LOC400499: variants seen among roughly 807,000 people sequenced by gnomAD.
At chr16:11,420,064 T>C in the LOC400499 span, among the ~76,000 whole-genome samples, 1 of 149,292 alleles carries the variant, frequency 6.7e-6, no homozygotes, top group South Asian at 2.1e-4. Flanking sequence ...GAACTAGAAA[T>C]ACCATTTGAC....
the LOC400499 span, chr16:11,476,990 G>A: frequency 2.5e-5 from 10 of 399,514 alleles, no homozygotes; most frequent in Non-Finnish European, 4.4e-5. Context: ...GGGCCCTGGG[G>A]CCACAGATCC....
At chr16:11,388,824 G>A in the LOC400499 span, among the ~76,000 whole-genome samples, 1 of 152,156 alleles carries the variant, frequency 6.6e-6, no homozygotes, top group Non-Finnish European at 1.5e-5. Flanking sequence ...GGCTGGGCTT[G>A]GTGGCTCATG....
the LOC400499 span, chr16:11,494,504 G>T: frequency 2.7e-6 from 1 of 372,682 alleles, no homozygotes; most frequent in Non-Finnish European, 4.8e-6. Context: ...TCTCCACCTG[G>T]AGCTTGCCTG....
At chr16:11,374,044 T>C in the LOC400499 span, among the ~76,000 whole-genome samples, 2 of 152,202 alleles carry the variant, frequency 1.3e-5, no homozygotes, top group Non-Finnish European at 2.9e-5. Context: ...TTTTCAGTCA[T>C]TAGTAAATTA....
the LOC400499 span, among the ~76,000 whole-genome samples, chr16:11,438,101 C>T: frequency 4.6e-5 from 7 of 152,168 alleles, no homozygotes; most frequent in African/African-American, 7.2e-5. Flanking sequence ...CAACGGTGCT[C>T]CATGCCCCCC....
At chr16:11,383,602 G>T in the LOC400499 span, 1 of 1,232,282 alleles carries the variant, frequency 8.1e-7, no homozygotes, top group Non-Finnish European at 1.0e-6. Flanking sequence ...GAAGGCAGAT[G>T]CCAGACGGGG....
chr16:11,440,507 G>C, the LOC400499 span, among the ~76,000 whole-genome samples: 1 of 152,204 alleles, frequency 6.6e-6, no homozygotes, highest in African/African-American at 2.4e-5. Context: ...AACTGCACAT[G>C]AACACTGGCC....
the LOC400499 span, chr16:11,487,230 C>T: frequency 2.5e-6 from 1 of 398,774 alleles, no homozygotes. Flanking sequence ...AGGAGAGGCC[C>T]TGCAGAGGCT....
chr16:11,459,209 T>TG, the LOC400499 span, among the ~76,000 whole-genome samples: 1 of 141,918 alleles, frequency 7.0e-6, no homozygotes, highest in Non-Finnish European at 1.5e-5. Context: ...TTTTTTTTTT[T>TG]TTTTTGAAAA....
chr16:11,495,832 C>G, the LOC400499 span, among the ~76,000 whole-genome samples: 3 of 152,066 alleles, frequency 2.0e-5, no homozygotes, highest in Admixed American at 1.3e-4. Flanking sequence ...AGGGACGTGC[C>G]TCAGGTAGCC....
chr16:11,415,962 T>G, the LOC400499 span, among the ~76,000 whole-genome samples: 39 of 19,592 alleles, frequency 2.0e-3, no homozygotes, highest in Admixed American at 0.01. Context: ...GTTGTTTTGT[T>G]TTTTTTTTTT....
At chr16:11,381,901 C>T in the LOC400499 span, among the ~76,000 whole-genome samples, 1 of 151,332 alleles carries the variant, frequency 6.6e-6, no homozygotes, top group South Asian at 2.1e-4. Flanking sequence ...TATTGGGGAT[C>T]ATGCCTGCTG....
At chr16:11,410,997 A>C in the LOC400499 span, among the ~76,000 whole-genome samples, 1 of 152,218 alleles carries the variant, frequency 6.6e-6, no homozygotes, top group Non-Finnish European at 1.5e-5. Context: ...CTGGGTGAGG[A>C]GGCCTCCCCC....
At chr16:11,408,242 C>G in the LOC400499 span, among the ~76,000 whole-genome samples, 1 of 152,128 alleles carries the variant, frequency 6.6e-6, no homozygotes, top group Non-Finnish European at 1.5e-5. Flanking sequence ...CTCGGCCTCC[C>G]AAAGTGCTGG....
At chr16:11,410,658 A>G in the LOC400499 span, among the ~76,000 whole-genome samples, 5 of 152,282 alleles carry the variant, frequency 3.3e-5, no homozygotes, top group South Asian at 8.3e-4. Context: ...AAATGAAGTG[A>G]CTAGTTACAG....
the LOC400499 span, among the ~76,000 whole-genome samples, chr16:11,377,516 G>A: frequency 2.0e-5 from 3 of 152,282 alleles, no homozygotes; most frequent in Non-Finnish European, 2.9e-5. Flanking sequence ...TTTTAATCAC[G>A]AAAGGGTATT....
At chr16:11,498,279 G>A in the LOC400499 span, among the ~76,000 whole-genome samples, 7 of 152,250 alleles carry the variant, frequency 4.6e-5, no homozygotes, top group African/African-American at 1.4e-4. Flanking sequence ...TCAGGAGTTC[G>A]AGATAAGCCT....
the LOC400499 span, chr16:11,473,193 G>T: frequency 2.6e-5 from 4 of 151,472 alleles, no homozygotes; most frequent in African/African-American, 9.7e-5. Flanking sequence ...AGAAAGCTCA[G>T]AAAGATTTCT....
chr16:11,447,091 C>A, the LOC400499 span, among the ~76,000 whole-genome samples: 37 of 152,298 alleles, frequency 2.4e-4, no homozygotes, highest in Non-Finnish European at 4.4e-4. Flanking sequence ...GCATCCAGAA[C>A]CCTTCACCAC....
Sources: gnomAD v4.1 joint callset for allele counts (sites outside exome capture counted in the v4.1 genomes callset) on GRCh38, gnomAD v4.1.1 for gene constraint, MANE v1.5 for transcripts.